Variants in FRMD3 observed in about 807,000 individuals in gnomAD.
FRMD3 encodes FERM domain-containing protein 3.
FRMD3 carries 33 observed loss-of-function variants against 70.2 expected under a neutral mutation model. The observed-to-expected ratio is 0.47, with a 90% CI of 0.36 to 0.63. FRMD3 has a LOEUF of 0.63. FRMD3 is among the 20% of genes least tolerant of loss of function. The pLI is 0.00. For missense variants in FRMD3, 632 were observed against 711.4 expected (o/e 0.89, Z 1.27); for synonymous variants, 279 against 255.9 (o/e 1.09, Z -0.86).
the FRMD3 span, among the ~76,000 whole-genome samples, chr9:83,555,518 C>T: frequency 6.6e-6 from 1 of 152,208 alleles, no homozygotes; most frequent in Non-Finnish European, 1.5e-5. Flanking sequence ...AGATGGCAGC[C>T]TCCCCCTCCC....
At chr9:83,383,619 C>T (rs140799655) in intron 2 of FRMD3, among the ~76,000 whole-genome samples, 2,210 of 152,296 alleles carry the variant, frequency 0.015, 21 homozygotes, top group Non-Finnish European at 0.024. Flanking sequence ...ACTCTTCAAC[C>T]ACCACATTTA....
intron 1 of FRMD3, among the ~76,000 whole-genome samples, chr9:83,502,167 G>A (rs1052818797): frequency 4.6e-5 from 7 of 152,142 alleles, no homozygotes; most frequent in South Asian, 2.1e-4. Context: ...GCGCCACTTC[G>A]AATTCAGTTC....
intron 1 of FRMD3, among the ~76,000 whole-genome samples, chr9:83,424,634 A>C (rs565676788): frequency 6.6e-6 from 1 of 152,362 alleles, no homozygotes; most frequent in Non-Finnish European, 1.5e-5. Context: ...AGAAAATTGC[A>C]TCACAATAGA....
Position 83,324,690 on chromosome 9 carries a change from T to C in FRMD3, c.596+10826A>G, listed in dbSNP as rs1835941448. Among the ~76,000 whole-genome samples, 3 of 152,244 alleles carry C rather than the reference T, an allele frequency of 2.0e-5. No individual in the cohort carries two copies. The South Asian group carries it at 6.2e-4, about 32-fold the overall frequency. On this transcript the variant is annotated intron_variant, in intron 6 of 13. Transcript: ENST00000304195. ...ACAATTCCAAGCAGCATAACATTTT[T>C]TATATTGCCAGGCATATACATATTT... is the stretch of plus-strand genomic sequence containing the variant.
intron 12 of FRMD3, among the ~76,000 whole-genome samples, chr9:83,296,855 C>G (rs939267372): frequency 2.6e-5 from 4 of 152,184 alleles, no homozygotes; most frequent in African/African-American, 9.7e-5. Context: ...TTACCAAGAG[C>G]CTGGCTACTC....
intron 3 of FRMD3, among the ~76,000 whole-genome samples, chr9:83,363,743 A>G (rs1166977982): frequency 6.6e-6 from 1 of 151,952 alleles, no homozygotes; most frequent in Non-Finnish European, 1.5e-5. Context: ...TTTAGTAGAG[A>G]CGGGGTTTCA....
chr9:83,530,531 T>G (rs1056593610), intron 1 of FRMD3, among the ~76,000 whole-genome samples: 2 of 152,006 alleles, frequency 1.3e-5, no homozygotes, highest in African/African-American at 4.8e-5. Flanking sequence ...AAAGGTTCAT[T>G]TTGGGGATGA....
intron 1 of FRMD3, among the ~76,000 whole-genome samples, chr9:83,495,527 G>T (rs1005381235): frequency 6.6e-6 from 1 of 152,184 alleles, no homozygotes; most frequent in Admixed American, 6.5e-5. Flanking sequence ...AAATAGAAAG[G>T]GGGTAGCTGT....
chr9:83,359,560 G>A (rs765342496), intron 3 of FRMD3, among the ~76,000 whole-genome samples: 36 of 152,098 alleles, frequency 2.4e-4, no homozygotes, highest in Non-Finnish European at 4.4e-4. Context: ...CTGTCTCAAC[G>A]ACTCCACCCA....
rs1824402389 is a variant in FRMD3 at position 83,357,243 on chromosome 9, ATACAT to A, written c.296-7491_296-7487del. On this transcript the variant is annotated intron_variant, in intron 3 of 13. Transcript: ENST00000304195. The stretch of plus-strand genomic sequence containing the variant: ...TATATATTTTATATATATATAATAC[ATACAT>A]ATATATATATATATATATATATATA... 1.9e-3 allele frequency among the ~76,000 whole-genome samples: 2 copies of A among 1,060 alleles called. 1 individual carries two copies. The highest frequency in any genetic ancestry group is 0.077 in the East Asian group (2 of 26). 0.7% of individuals were successfully genotyped at this position (1,060 alleles called of 152,430 possible).
intron 13 of FRMD3, among the ~76,000 whole-genome samples, chr9:83,264,849 C>T (rs1179225484): frequency 1.3e-5 from 2 of 149,506 alleles, no homozygotes; most frequent in South Asian, 4.2e-4. Context: ...ATGTCATGCA[C>T]GTGTAAAAAT....
chr9:83,509,010 C>G (rs941373489), intron 1 of FRMD3, among the ~76,000 whole-genome samples: 5 of 149,122 alleles, frequency 3.4e-5, no homozygotes, highest in Non-Finnish European at 7.4e-5. Flanking sequence ...CCTTCCCCCC[C>G]TCCCCTCCTT....
chr9:83,246,089 A>G lies in FRMD3; in HGVS notation c.*1829T>C, dbSNP rs1475153715. 3.0e-6 allele frequency: 3 copies of G among 985,280 alleles called. No individual in the cohort carries two copies. Among genetic ancestry groups the G allele is most frequent in the Middle Eastern group, 5.2e-4 (1 of 1,936 alleles). The allele number at this position is 985,280 out of a possible 1,614,324, so 61.0% of individuals were successfully genotyped here. The stretch of plus-strand genomic sequence containing the variant: ...AGTTTCAAAACTCATTTCCAAAATT[A>G]AATGTCCAGTGAAGTACTCAGAGCT... On this transcript the variant is annotated 3_prime_UTR_variant, in exon 14 of 14. Transcript: ENST00000304195.
At chr9:83,490,804 A>T (rs1303783821) in intron 1 of FRMD3, among the ~76,000 whole-genome samples, 6 of 147,868 alleles carry the variant, frequency 4.1e-5, no homozygotes, top group African/African-American at 1.3e-4. Context: ...TCTCTCACAC[A>T]CACACACACA....
At chr9:83,321,951 G>A (rs1348394326) in intron 6 of FRMD3, among the ~76,000 whole-genome samples, 1 of 152,130 alleles carries the variant, frequency 6.6e-6, no homozygotes. Flanking sequence ...GCAGAGCAGT[G>A]GGTATTGTCC....
intron 1 of FRMD3, among the ~76,000 whole-genome samples, chr9:83,450,164 GC>G (rs1304225142): frequency 6.6e-6 from 1 of 151,928 alleles, no homozygotes; most frequent in Non-Finnish European, 1.5e-5. Flanking sequence ...TGGAATGCCT[GC>G]CCCACCTCCA....
chr9:83,271,625 G>A (rs1399501539), intron 13 of FRMD3, among the ~76,000 whole-genome samples: 1 of 152,170 alleles, frequency 6.6e-6, no homozygotes, highest in Non-Finnish European at 1.5e-5. Context: ...GGTCATGAGT[G>A]TCAAATTATG....
At chr9:83,323,692 T>G (rs916230454) in intron 6 of FRMD3, among the ~76,000 whole-genome samples, 3 of 152,330 alleles carry the variant, frequency 2.0e-5, no homozygotes, top group Non-Finnish European at 4.4e-5. Context: ...CTTTATAAAT[T>G]ACCTAGCCTC....
chr9:83,403,335 G>A (rs532422655), intron 1 of FRMD3, among the ~76,000 whole-genome samples: 18 of 152,280 alleles, frequency 1.2e-4, no homozygotes, highest in Admixed American at 2.0e-4. Flanking sequence ...TTTCCTCTCT[G>A]GGAGAGAGAA....
Sources: gnomAD v4.1 joint callset for allele counts (sites outside exome capture counted in the v4.1 genomes callset) on GRCh38, gnomAD v4.1.1 for gene constraint, MANE v1.5 for transcripts, NCBI Gene and HGNC (gene_info 2026-07-23, HGNC 2026-07-21) for gene names.